CHST11: variants seen among roughly 807,000 people sequenced by gnomAD.
The protein encoded by CHST11 is C4S-1.
Under a neutral mutation model 30.4 loss-of-function variants are expected in CHST11, and 9 were observed. The observed-to-expected ratio is 0.30, with a 90% CI of 0.18 to 0.52. CHST11 has a LOEUF of 0.52. CHST11 is among the 20% of genes least tolerant of loss of function. The pLI is 0.97. For missense variants in CHST11, 348 were observed against 460.6 expected (o/e 0.76, Z 2.24); for synonymous variants, 152 against 187.8 (o/e 0.81, Z 1.56).
At chr12:104,562,630 A>T (rs1430414587) in intron 1 of CHST11, among the ~76,000 whole-genome samples, 2 of 152,190 alleles carry the variant, frequency 1.3e-5, no homozygotes, top group African/African-American at 2.4e-5. Context: ...ACGAAAGGTG[A>T]TCGTATCCTG....
At chr12:104,457,742 C>G (rs1371653207) in intron 1 of CHST11, among the ~76,000 whole-genome samples, 1 of 151,488 alleles carries the variant, frequency 6.6e-6, no homozygotes, top group African/African-American at 2.4e-5. Context: ...CCCTCTTCTT[C>G]CTACCGGCTC....
intron 1 of CHST11, among the ~76,000 whole-genome samples, chr12:104,543,227 G>C (rs747550273): frequency 6.6e-6 from 1 of 152,174 alleles, no homozygotes; most frequent in Non-Finnish European, 1.5e-5. Context: ...AACTCACAGT[G>C]TGAGAACTCA....
intron 2 of CHST11, among the ~76,000 whole-genome samples, chr12:104,629,217 C>T (rs745504547): frequency 9.2e-5 from 14 of 152,202 alleles, no homozygotes; most frequent in East Asian, 1.9e-4. Flanking sequence ...TAGCAGTTTA[C>T]GACAACATAC....
At chr12:104,628,442 G>A (rs1356225830) in intron 2 of CHST11, among the ~76,000 whole-genome samples, 1 of 152,220 alleles carries the variant, frequency 6.6e-6, no homozygotes, top group African/African-American at 2.4e-5. Context: ...ATCAAGACTT[G>A]TTGAGCTTGG....
intron 2 of CHST11, among the ~76,000 whole-genome samples, chr12:104,693,004 A>G (rs1426186975): frequency 6.6e-6 from 1 of 152,126 alleles, no homozygotes; most frequent in African/African-American, 2.4e-5. Context: ...GAAGTCCAAG[A>G]TCAAGGTGGC....
chr12:104,472,795 G>T (rs2037523675), intron 1 of CHST11, among the ~76,000 whole-genome samples: 1 of 151,788 alleles, frequency 6.6e-6, no homozygotes, highest in South Asian at 2.1e-4. Context: ...GGTGATGGTG[G>T]TGGTTGTGGT....
At chr12:104,573,749 T>TA (rs2038653740) in intron 1 of CHST11, among the ~76,000 whole-genome samples, 1 of 152,096 alleles carries the variant, frequency 6.6e-6, no homozygotes. Flanking sequence ...CCTAAAACCA[T>TA]AAAAACCCTA....
At chr12:104,587,871 A>C (rs1565997849) in intron 1 of CHST11, among the ~76,000 whole-genome samples, 1 of 134,764 alleles carries the variant, frequency 7.4e-6, no homozygotes, top group Admixed American at 7.7e-5. Flanking sequence ...ATGGAGTCTC[A>C]CTCTGTCACC....
chr12:104,595,069 C>T (rs2038894995), intron 1 of CHST11, among the ~76,000 whole-genome samples: 1 of 152,134 alleles, frequency 6.6e-6, no homozygotes, highest in African/African-American at 2.4e-5. Flanking sequence ...TCAGATTCTT[C>T]CCACTCTGAG....
At chr12:104,693,464 GC>G (rs1487303925) in intron 2 of CHST11, among the ~76,000 whole-genome samples, 1 of 152,160 alleles carries the variant, frequency 6.6e-6, no homozygotes, top group Non-Finnish European at 1.5e-5. Flanking sequence ...GGGTCAACAG[GC>G]ATAAGATGAG....
intron 1 of CHST11, among the ~76,000 whole-genome samples, chr12:104,465,965 T>C (rs1009136849): frequency 1.3e-5 from 2 of 152,048 alleles, no homozygotes; most frequent in Non-Finnish European, 2.9e-5. Context: ...GTTCAAGCGA[T>C]TCTCCTGCCT....
chr12:104,666,686 C>G (rs2039645717), intron 2 of CHST11, among the ~76,000 whole-genome samples: 1 of 152,016 alleles, frequency 6.6e-6, no homozygotes, highest in Non-Finnish European at 1.5e-5. Context: ...GGATGGCCAA[C>G]AAATGTTTCC....
At chr12:104,486,093 C>T (rs1284202377) in intron 1 of CHST11, among the ~76,000 whole-genome samples, 1 of 152,194 alleles carries the variant, frequency 6.6e-6, no homozygotes. Context: ...CCTTCCCTGC[C>T]TGGGCTTTGG....
chr12:104,641,479 T>C (rs1240177885), intron 2 of CHST11, among the ~76,000 whole-genome samples: 2 of 152,158 alleles, frequency 1.3e-5, no homozygotes, highest in Non-Finnish European at 1.5e-5. Context: ...CCCATTCACC[T>C]GTGTTCCCCC....
At chr12:104,753,847 AG>A (rs1479627226) in intron 2 of CHST11, among the ~76,000 whole-genome samples, 1 of 152,244 alleles carries the variant, frequency 6.6e-6, no homozygotes, top group African/African-American at 2.4e-5. Flanking sequence ...TACTGTGTTC[AG>A]GCCACGGAGT....
chr12:104,629,374 G>A (rs1592803848), intron 2 of CHST11, among the ~76,000 whole-genome samples: 1 of 152,194 alleles, frequency 6.6e-6, no homozygotes, highest in South Asian at 2.1e-4. Flanking sequence ...TTGTTTCCTT[G>A]TAGCCATAGA....
At chr12:104,535,803 A>G (rs374229286) in intron 1 of CHST11, among the ~76,000 whole-genome samples, 1 of 152,360 alleles carries the variant, frequency 6.6e-6, no homozygotes, top group East Asian at 1.9e-4. Context: ...TTGTGGCAGT[A>G]TAGAAGATTT....
intron 2 of CHST11, among the ~76,000 whole-genome samples, chr12:104,654,847 C>T (rs190661168): frequency 6.6e-6 from 1 of 152,312 alleles, no homozygotes; most frequent in African/African-American, 2.4e-5. Flanking sequence ...CTGCCAACAT[C>T]CCCCTAGCTA....
intron 2 of CHST11, among the ~76,000 whole-genome samples, chr12:104,617,982 C>G (rs1230561656): frequency 6.6e-6 from 1 of 151,568 alleles, no homozygotes; most frequent in East Asian, 1.9e-4. Context: ...GATCTCGGCT[C>G]ACTGCAACCT....
Sources: gnomAD v4.1 joint callset for allele counts (sites outside exome capture counted in the v4.1 genomes callset) on GRCh38, gnomAD v4.1.1 for gene constraint, MANE v1.5 for transcripts, NCBI Gene and HGNC (gene_info 2026-07-23, HGNC 2026-07-21) for gene names.